Variants in OR1J2 observed in about 807,000 individuals in gnomAD.
The protein encoded by OR1J2 is olfactory receptor family 1 subfamily J member 2.
For synonymous variants in OR1J2, 142 were observed against 99.7 expected, an observed-to-expected ratio of 1.42 and a Z score of -2.52; for missense variants, 304 against 246.1, an observed-to-expected ratio of 1.24 and a Z score of -1.57.
the OR1J2 span, among the ~76,000 whole-genome samples, chr9:122,466,006 G>A: frequency 1.3e-5 from 2 of 152,140 alleles, no homozygotes; most frequent in African/African-American, 4.8e-5. Flanking sequence ...AGGTCATGGA[G>A]ACCTTTCAAA....
chr9:122,549,739 T>TCAAAGAATAAATTTAAGGG, the OR1J2 span, among the ~76,000 whole-genome samples: 1 of 152,206 alleles, frequency 6.6e-6, no homozygotes, highest in East Asian at 1.9e-4. Context: ...TTTATACTAG[T>TCAAAGAATAAATTTAAGGG]ACCATGTTGT....
At chr9:122,464,490 T>A in the OR1J2 span, among the ~76,000 whole-genome samples, 5 of 152,218 alleles carry the variant, frequency 3.3e-5, no homozygotes, top group Non-Finnish European at 5.9e-5. Context: ...CTTTCAGCTT[T>A]CCTGGTATGT....
At chr9:122,552,409 G>T in the OR1J2 span, among the ~76,000 whole-genome samples, 1 of 152,272 alleles carries the variant, frequency 6.6e-6, no homozygotes, top group East Asian at 1.9e-4. Flanking sequence ...AGGGGTGAAG[G>T]CACAGGTGAA....
At chr9:122,522,315 T>C in the OR1J2 span, among the ~76,000 whole-genome samples, 1 of 152,234 alleles carries the variant, frequency 6.6e-6, no homozygotes, top group African/African-American at 2.4e-5. Flanking sequence ...ACTAATTCTT[T>C]CACAGTGTGA....
chr9:122,517,721 T>G, the OR1J2 span, among the ~76,000 whole-genome samples: 1 of 152,078 alleles, frequency 6.6e-6, no homozygotes. Context: ...TGAGGTGTTT[T>G]TTTTTTCTTA....
chr9:122,504,301 C>G, the OR1J2 span, among the ~76,000 whole-genome samples: 27 of 152,282 alleles, frequency 1.8e-4, no homozygotes, highest in African/African-American at 6.3e-4. Flanking sequence ...ACCAGAGGCT[C>G]CATATAATGC....
At chr9:122,535,198 G>A in the OR1J2 span, among the ~76,000 whole-genome samples, 1 of 151,942 alleles carries the variant, frequency 6.6e-6, no homozygotes, top group African/African-American at 2.4e-5. Context: ...AAGGGTCGGG[G>A]TGCAGAAATA....
chr9:122,543,207 T>A, the OR1J2 span, among the ~76,000 whole-genome samples: 1 of 152,194 alleles, frequency 6.6e-6, no homozygotes, highest in South Asian at 2.1e-4. Context: ...GCTCATATTT[T>A]TGTTATTGTT....
the OR1J2 span, among the ~76,000 whole-genome samples, chr9:122,542,419 T>C: frequency 1.3e-5 from 2 of 152,238 alleles, no homozygotes; most frequent in Non-Finnish European, 2.9e-5. Flanking sequence ...TTTTCCAAAA[T>C]ATTTATATAA....
chr9:122,526,990 A>G, the OR1J2 span: 1 of 1,614,246 alleles, frequency 6.2e-7, no homozygotes, highest in Non-Finnish European at 8.5e-7. Context: ...AACATCAGAA[A>G]GAAATACATT....
chr9:122,530,794 G>A, the OR1J2 span, among the ~76,000 whole-genome samples: 1 of 152,136 alleles, frequency 6.6e-6, no homozygotes, highest in African/African-American at 2.4e-5. Flanking sequence ...GGGCAGGAGT[G>A]GGGGCCACAA....
chr9:122,463,098 C>G, the OR1J2 span, among the ~76,000 whole-genome samples: 2 of 152,144 alleles, frequency 1.3e-5, no homozygotes, highest in Non-Finnish European at 2.9e-5. Context: ...CCCCAAACTT[C>G]TTGGAGGCTT....
the OR1J2 span, among the ~76,000 whole-genome samples, chr9:122,551,657 T>C: frequency 6.6e-6 from 1 of 152,036 alleles, no homozygotes; most frequent in Non-Finnish European, 1.5e-5. Context: ...AGACCCACAT[T>C]TGAGATCTTA....
the OR1J2 span, among the ~76,000 whole-genome samples, chr9:122,535,796 A>C: frequency 6.6e-6 from 1 of 152,168 alleles, no homozygotes; most frequent in Non-Finnish European, 1.5e-5. Flanking sequence ...TGTGAGCAAC[A>C]AGGCTGTTTA....
At chr9:122,541,481 G>A in the OR1J2 span, among the ~76,000 whole-genome samples, 21,715 of 152,098 alleles carry the variant, frequency 0.14, 1,807 homozygotes, top group East Asian at 0.33. Context: ...CTATCCCAAC[G>A]GAAGTTGGGA....
chr9:122,518,992 T>C, the OR1J2 span: 1 of 619,594 alleles, frequency 1.6e-6, no homozygotes, highest in Non-Finnish European at 2.9e-6. Flanking sequence ...CTTGAAATGA[T>C]TTTTTGTAGG....
chr9:122,551,253 G>A, the OR1J2 span, among the ~76,000 whole-genome samples: 1 of 152,140 alleles, frequency 6.6e-6, no homozygotes, highest in South Asian at 2.1e-4. Context: ...ATAATAGCAT[G>A]TACTCCAGAG....
the OR1J2 span, chr9:122,475,041 A>C: frequency 2.6e-5 from 4 of 152,082 alleles, no homozygotes; most frequent in Admixed American, 2.0e-4. Context: ...AATAAACTCA[A>C]CATATTTGGA....
chr9:122,489,208 C>G, the OR1J2 span, among the ~76,000 whole-genome samples: 1 of 152,088 alleles, frequency 6.6e-6, no homozygotes, highest in African/African-American at 2.4e-5. Flanking sequence ...AGGCATCAAG[C>G]AAGTGTTCTG....
Sources: gnomAD v4.1 joint callset for allele counts (sites outside exome capture counted in the v4.1 genomes callset) on GRCh38, gnomAD v4.1.1 for gene constraint, MANE v1.5 for transcripts, NCBI Gene and HGNC (gene_info 2026-07-23, HGNC 2026-07-21) for gene names.